Variants in DCC observed in about 807,000 individuals in gnomAD.
DCC encodes the protein DCC netrin 1 receptor, also known as netrin receptor DCC.
DCC carries 58 observed loss-of-function variants against 172.5 expected under a neutral mutation model. That is an observed-to-expected ratio of 0.34 (90% CI 0.27 to 0.42). The LOEUF is 0.42. Ranked by LOEUF, DCC falls within the 10% of genes least tolerant of loss-of-function variation. The pLI is 1.00. For synonymous variants in DCC, 709 were observed against 644.5 expected, an observed-to-expected ratio of 1.10 and a Z score of -1.52; for missense variants, 1,740 against 1,791.0, an observed-to-expected ratio of 0.97 and a Z score of 0.51.
chr18:53,127,286 C>T (rs1257887674), intron 7 of DCC, among the ~76,000 whole-genome samples: 1 of 151,678 alleles, frequency 6.6e-6, no homozygotes, highest in East Asian at 1.9e-4. Context: ...GGGTTACAGG[C>T]AGAACAAACT....
chr18:52,659,442 A>G (rs1175355248), intron 1 of DCC, among the ~76,000 whole-genome samples: 1 of 152,158 alleles, frequency 6.6e-6, no homozygotes, highest in Non-Finnish European at 1.5e-5. Flanking sequence ...ACCCAACGAT[A>G]ATGAAGATCA....
At chr18:53,246,436 A>G in intron 12 of DCC, among the ~76,000 whole-genome samples, 1 of 152,012 alleles carries the variant, frequency 6.6e-6, no homozygotes, top group East Asian at 1.9e-4. Context: ...TGGATCTGAG[A>G]AAGGGTCAGG....
intron 28 of DCC, among the ~76,000 whole-genome samples, chr18:53,529,025 CTCTCTCTCTCTCTCA>C (rs2046492400): frequency 1.5e-5 from 1 of 65,090 alleles, no homozygotes; most frequent in African/African-American, 7.7e-5. Context: ...CTCTCTCTCT[CTCTCTCTCTCTCTCA>C]CACACACACA....
At chr18:52,863,056 C>T (rs540663886) in intron 2 of DCC, among the ~76,000 whole-genome samples, 1 of 152,156 alleles carries the variant, frequency 6.6e-6, no homozygotes, top group South Asian at 2.1e-4. Context: ...TAACCTCTTA[C>T]AATTTTTCCT....
At chr18:52,581,187 T>TTATCTATCTATCTATCTATC (rs74178674) in intron 1 of DCC, among the ~76,000 whole-genome samples, 7,465 of 146,514 alleles carry the variant, frequency 0.051, 284 homozygotes, top group South Asian at 0.15. Context: ...TCTATATATC[T>TTATCTATCTATCTATCTATC]TATCTATCTA....
chr18:52,646,035 A>G (rs1367630797), intron 1 of DCC, among the ~76,000 whole-genome samples: 1 of 152,190 alleles, frequency 6.6e-6, no homozygotes, highest in Non-Finnish European at 1.5e-5. Flanking sequence ...TTTAGTTTGC[A>G]TGATGACATA....
intron 23 of DCC, among the ~76,000 whole-genome samples, chr18:53,457,494 C>G (rs1244640666): frequency 6.6e-6 from 1 of 152,124 alleles, no homozygotes; most frequent in African/African-American, 2.4e-5. Flanking sequence ...CTGTGTGCAG[C>G]CACACAGATG....
intron 1 of DCC, among the ~76,000 whole-genome samples, chr18:52,635,626 C>A: frequency 6.6e-6 from 1 of 152,104 alleles, no homozygotes; most frequent in East Asian, 1.9e-4. Flanking sequence ...TATCCATATT[C>A]CATAGAACAT....
At chr18:53,062,980 T>C (rs1260477791) in intron 5 of DCC, among the ~76,000 whole-genome samples, 1 of 152,176 alleles carries the variant, frequency 6.6e-6, no homozygotes, top group Non-Finnish European at 1.5e-5. Flanking sequence ...AAGACTTATG[T>C]ACTTTTCAGT....
At chr18:52,607,757 G>A (rs1221878) in intron 1 of DCC, among the ~76,000 whole-genome samples, 138,041 of 151,902 alleles carry the variant, frequency 0.91, 63,185 homozygotes, top group Middle Eastern at 0.99. Flanking sequence ...TATATTCTAT[G>A]ACAATTTGAT....
intron 9 of DCC, among the ~76,000 whole-genome samples, chr18:53,182,591 A>T (rs1568351819): frequency 6.6e-6 from 1 of 152,216 alleles, no homozygotes; most frequent in East Asian, 1.9e-4. Flanking sequence ...TACGGACATT[A>T]GAATAAATAA....
At chr18:52,540,793 A>G (rs1365298838) in intron 1 of DCC, among the ~76,000 whole-genome samples, 1 of 151,664 alleles carries the variant, frequency 6.6e-6, no homozygotes, top group Non-Finnish European at 1.5e-5. Flanking sequence ...TTTTTAGTAG[A>G]GACGGGGTTT....
intron 14 of DCC, among the ~76,000 whole-genome samples, 169 bp downstream of exon 14, chr18:53,322,326 A>G (rs536754196): frequency 4.5e-4 from 69 of 152,214 alleles, no homozygotes; most frequent in Non-Finnish European, 8.2e-4. Flanking sequence ...GTCTTCAACA[A>G]TGCCATGTAA....
At chr18:53,502,433 A>ATGTT (rs967718424) in intron 27 of DCC, among the ~76,000 whole-genome samples, 60 of 152,310 alleles carry the variant, frequency 3.9e-4, no homozygotes, top group African/African-American at 1.3e-3. Context: ...AAAAGGGCTA[A>ATGTT]TGTTTACTTA....
chr18:52,416,741 T>A (rs910093534), intron 1 of DCC, among the ~76,000 whole-genome samples: 3 of 152,040 alleles, frequency 2.0e-5, no homozygotes, highest in Non-Finnish European at 4.4e-5. Context: ...TCTTCCTCCA[T>A]CCTTTTATTT....
At chr18:52,494,277 TGTGTGTG>T (rs2030652873) in intron 1 of DCC, among the ~76,000 whole-genome samples, 1 of 151,476 alleles carries the variant, frequency 6.6e-6, no homozygotes, top group Non-Finnish European at 1.5e-5. Flanking sequence ...TGTGTGTGTG[TGTGTGTG>T]TGTGTGTGTC....
At chr18:53,087,313 A>G (rs1415277296) in intron 7 of DCC, among the ~76,000 whole-genome samples, 3 of 151,416 alleles carry the variant, frequency 2.0e-5, no homozygotes, top group East Asian at 3.9e-4. Context: ...GTGAGATGGT[A>G]TCTCATTGTG....
At chr18:53,369,445 C>A (rs1568087060) in intron 15 of DCC, among the ~76,000 whole-genome samples, 1 of 151,592 alleles carries the variant, frequency 6.6e-6, no homozygotes, top group African/African-American at 2.4e-5. Flanking sequence ...AATTTTACTT[C>A]TTTTTTTTCC....
intron 7 of DCC, among the ~76,000 whole-genome samples, chr18:53,086,899 A>G (rs1209782643): frequency 4.6e-5 from 7 of 150,830 alleles, no homozygotes; most frequent in East Asian, 4.0e-4. Flanking sequence ...ATGATTTCCA[A>G]TTTCATCCAT....
Sources: allele counts gnomAD v4.1 joint callset (sites outside exome capture counted in the v4.1 genomes callset), GRCh38; gene constraint gnomAD v4.1.1; transcripts MANE v1.5; gene names NCBI Gene and HGNC (gene_info 2026-07-23, HGNC 2026-07-21).